PDGFRL: variants seen among roughly 807,000 people sequenced by gnomAD.
PDGFRL encodes platelet derived growth factor receptor like.
Under a neutral mutation model 37.2 loss-of-function variants are expected in PDGFRL, and 46 were observed. The observed-to-expected ratio is 1.24, with a 90% CI of 0.98 to 1.58. PDGFRL has a LOEUF of 1.58. Among genes scored for constraint, PDGFRL ranks in the 40% most tolerant of loss-of-function variants. The probability of loss-of-function intolerance (pLI) is 0.00; values close to 1 mark genes in which losing one functional copy is unlikely to be tolerated. For missense variants in PDGFRL, 692 were observed against 467.6 expected (o/e 1.48, Z -4.43); for synonymous variants, 251 against 184.3 (o/e 1.36, Z -2.93).
intron 1 of PDGFRL, among the ~76,000 whole-genome samples, chr8:17,588,948 A>G (rs1163271202): frequency 6.6e-6 from 1 of 152,196 alleles, no homozygotes; most frequent in Non-Finnish European, 1.5e-5. Context: ...CTGAATTTGA[A>G]TAATATCTTT....
intron 5 of PDGFRL, among the ~76,000 whole-genome samples, chr8:17,637,260 A>C (rs2129844106): frequency 6.6e-6 from 1 of 152,246 alleles, no homozygotes; most frequent in South Asian, 2.1e-4. Context: ...TGTCCCTTCT[A>C]TGCCAATTTT....
intron 2 of PDGFRL, among the ~76,000 whole-genome samples, chr8:17,591,643 C>G (rs984808203): frequency 6.6e-6 from 1 of 152,174 alleles, no homozygotes; most frequent in Non-Finnish European, 1.5e-5. Context: ...AGGCTGGGCA[C>G]GGTGGCTCAC....
chr8:17,612,459 C>G (rs1245557495), intron 2 of PDGFRL, among the ~76,000 whole-genome samples: 6 of 152,110 alleles, frequency 3.9e-5, no homozygotes, highest in Admixed American at 3.9e-4. Context: ...GCACCTCTGC[C>G]TCCCGGGTTC....
At position 17,628,600 on chromosome 8, in the gene PDGFRL, C is replaced by T; in HGVS notation, c.619C>T (p.Leu207Phe). The T allele has an allele frequency of 6.2e-7, 1 of 1,614,174 alleles. No individual in the cohort carries two copies. Among genetic ancestry groups the T allele is most frequent in the Non-Finnish European group, 8.5e-7 (1 of 1,180,020 alleles). Residue 207 changes from leucine to phenylalanine, a missense_variant, in exon 4 of 6, where the codon CTC becomes TTC. Physicochemically the swap from Leu to Phe is conservative, Grantham distance 22. Coordinates refer to ENST00000251630, the MANE Select transcript of PDGFRL (RefSeq NM_001372073.1). ...GACCGTGCTGTCGGCCAAAGTCACGCTCCACAGGGAATTCCCAGCCAAGGA... is the reference window on the plus strand; with the variant it reads ...GACCGTGCTGTCGGCCAAAGTCACGTTCCACAGGGAATTCCCAGCCAAGGA... ...RVTVLSAKVT[L>F]HREFPAKEIP... is the part of the protein sequence containing the mutation.
rs1051562974 is a variant in PDGFRL, at chr8:17,584,509, C to T, written c.56-4959C>T. The stretch of plus-strand genomic sequence containing the variant: ...GAGTAGTTAGAGAGGAGTGATCAGG[C>T]AGGTCAGGAAAATGAGGAAGAGCTG... On this transcript the variant is annotated intron_variant, in intron 1 of 5. Coordinates refer to ENST00000251630, the MANE Select transcript of PDGFRL (RefSeq NM_001372073.1). Among the ~76,000 whole-genome samples the T allele has an allele frequency of 3.9e-5, 6 of 151,984 alleles. No individual in the cohort carries two copies. The South Asian group carries it at 1.2e-3, about 32-fold the overall frequency.
At chr8:17,637,071 T>C (rs1804985943) in intron 5 of PDGFRL, among the ~76,000 whole-genome samples, 1 of 152,188 alleles carries the variant, frequency 6.6e-6, no homozygotes, top group South Asian at 2.1e-4. Flanking sequence ...CAGCGACAGT[T>C]TGACTTCGCT....
intron 2 of PDGFRL, among the ~76,000 whole-genome samples, chr8:17,590,528 A>G (rs1398509034): frequency 6.6e-6 from 1 of 152,028 alleles, no homozygotes; most frequent in Non-Finnish European, 1.5e-5. Flanking sequence ...CCTGGCCAAC[A>G]TGGTGAAACC....
intron 2 of PDGFRL, among the ~76,000 whole-genome samples, chr8:17,619,206 G>A (rs1804585530): frequency 6.6e-6 from 1 of 152,178 alleles, no homozygotes; most frequent in Non-Finnish European, 1.5e-5. Flanking sequence ...TTCGAGATGA[G>A]TCCCCAGATT....
intron 4 of PDGFRL, 136 bp downstream of exon 4, chr8:17,628,916 T>G (rs13269449): frequency 0.29 from 181,668 of 629,224 alleles, 27,537 homozygotes; most frequent in African/African-American, 0.4. Context: ...TGTTGTTGTT[T>G]TTTTTTCTCT....
chr8:17,627,203 C>G (rs554422261), intron 3 of PDGFRL, among the ~76,000 whole-genome samples: 1 of 152,314 alleles, frequency 6.6e-6, no homozygotes, highest in Admixed American at 6.5e-5. Flanking sequence ...GGTTTTACAA[C>G]TGCTAAGGGT....
chr8:17,626,633 A>G (rs547329498), intron 3 of PDGFRL, among the ~76,000 whole-genome samples: 1 of 152,288 alleles, frequency 6.6e-6, no homozygotes, highest in African/African-American at 2.4e-5. Context: ...AAAGCATGTA[A>G]TACGTATTGG....
intron 2 of PDGFRL, among the ~76,000 whole-genome samples, chr8:17,619,581 A>G (rs1235666012): frequency 6.6e-6 from 1 of 152,272 alleles, no homozygotes; most frequent in Non-Finnish European, 1.5e-5. Flanking sequence ...GGACCTTATC[A>G]GCCAATGCGT....
At chr8:17,617,271 C>T (rs1413332436) in intron 2 of PDGFRL, among the ~76,000 whole-genome samples, 1 of 152,198 alleles carries the variant, frequency 6.6e-6, no homozygotes, top group East Asian at 1.9e-4. Context: ...TTGGCGTGTT[C>T]AGAGCTGCTT....
intron 1 of PDGFRL, among the ~76,000 whole-genome samples, chr8:17,588,871 G>A (rs1803873431): frequency 1.3e-5 from 2 of 152,156 alleles, no homozygotes; most frequent in Non-Finnish European, 2.9e-5. Flanking sequence ...ATGAGACGGT[G>A]TGAACTACAG....
rs187621801 is a variant in PDGFRL, at chr8:17,591,041, C to T, written c.353+1276C>T. Among the ~76,000 whole-genome samples, 20 of 152,164 alleles carry T rather than the reference C, an allele frequency of 1.3e-4. No homozygotes were observed. The East Asian group carries it at 3.9e-3, about 30-fold the overall frequency. ...GGGACTACAGGTGCCTGCCACCACG[C>T]CTGGCTAATTTTTTGCTTTTTTAGT... is the stretch of plus-strand genomic sequence containing the variant. On this transcript the variant is annotated intron_variant, in intron 2 of 5. Coordinates refer to ENST00000251630, the MANE Select transcript of PDGFRL (RefSeq NM_001372073.1).
intron 2 of PDGFRL, among the ~76,000 whole-genome samples, chr8:17,620,306 T>G (rs1033645086): frequency 6.6e-6 from 1 of 152,226 alleles, no homozygotes; most frequent in African/African-American, 2.4e-5. Flanking sequence ...ATTGGTTTAT[T>G]AAAATATGTA....
intron 2 of PDGFRL, among the ~76,000 whole-genome samples, chr8:17,618,629 G>A (rs1233943194): frequency 6.6e-6 from 1 of 152,204 alleles, no homozygotes; most frequent in East Asian, 1.9e-4. Flanking sequence ...TCTGCTGTCT[G>A]AGACTCAGTT....
intron 1 of PDGFRL, among the ~76,000 whole-genome samples, chr8:17,586,304 C>T (rs778570510): frequency 2.0e-5 from 3 of 152,114 alleles, no homozygotes; most frequent in Non-Finnish European, 4.4e-5. Flanking sequence ...CCAGTGTGTG[C>T]CTTGGAAAAG....
At chr8:17,593,493 G>A (rs1803986359) in intron 2 of PDGFRL, among the ~76,000 whole-genome samples, 1 of 151,796 alleles carries the variant, frequency 6.6e-6, no homozygotes, top group African/African-American at 2.4e-5. Context: ...AGCTACTTGG[G>A]AGGCTAAGAG....
Sources: allele counts gnomAD v4.1 joint callset (sites outside exome capture counted in the v4.1 genomes callset), GRCh38; gene constraint gnomAD v4.1.1; transcripts MANE v1.5; gene names NCBI Gene and HGNC (gene_info 2026-07-23, HGNC 2026-07-21).